Variants in NOVA1 observed in about 807,000 individuals in gnomAD.
NOVA1 encodes the protein RNA-binding protein Nova-1.
NOVA1 carries 7 observed loss-of-function variants against 38.0 expected under a neutral mutation model. The observed-to-expected ratio is 0.18, with a 90% CI of 0.10 to 0.35. The LOEUF is 0.35. NOVA1 is among the 10% of genes least tolerant of loss of function. NOVA1 has a pLI of 1.00. For synonymous variants in NOVA1, 270 were observed against 232.5 expected, an observed-to-expected ratio of 1.16 and a Z score of -1.47; for missense variants, 460 against 616.0, an observed-to-expected ratio of 0.75 and a Z score of 2.68.
intron 2 of NOVA1, among the ~76,000 whole-genome samples, chr14:26,545,351 T>C (rs987477854): frequency 6.6e-6 from 1 of 152,024 alleles, no homozygotes; most frequent in African/African-American, 2.4e-5. Context: ...ATACAGAGGA[T>C]AGTAGCCTAG....
chr14:26,462,543 T>C (rs1284836399), intron 4 of NOVA1, among the ~76,000 whole-genome samples: 7 of 152,220 alleles, frequency 4.6e-5, no homozygotes, highest in Non-Finnish European at 5.9e-5. Context: ...ATAGGTAATT[T>C]TGATATAAAG....
intron 2 of NOVA1, among the ~76,000 whole-genome samples, chr14:26,484,652 C>CT (rs1365842802): frequency 3.3e-5 from 5 of 152,136 alleles, no homozygotes; most frequent in African/African-American, 7.2e-5. Context: ...TCCAATATGG[C>CT]TTTTTTTCTC....
At chr14:26,593,705 C>A (rs1259014676) in intron 2 of NOVA1, 7 of 151,688 alleles carry the variant, frequency 4.6e-5, no homozygotes, top group Admixed American at 2.6e-4. Flanking sequence ...ATGTAATAAG[C>A]AAAAAATGTA....
intron 2 of NOVA1, among the ~76,000 whole-genome samples, chr14:26,594,820 T>C (rs777739233): frequency 2.0e-5 from 3 of 152,086 alleles, no homozygotes; most frequent in Non-Finnish European, 4.4e-5. Context: ...TAAGTTAACA[T>C]GAATTCTGAA....
chr14:26,561,539 T>C (rs941921500), intron 2 of NOVA1, among the ~76,000 whole-genome samples: 2 of 152,172 alleles, frequency 1.3e-5, no homozygotes, highest in South Asian at 4.1e-4. Flanking sequence ...AGAAATTATA[T>C]CCTCAGCAGG....
intron 4 of NOVA1, among the ~76,000 whole-genome samples, chr14:26,449,395 A>G (rs1370478924): frequency 6.6e-6 from 1 of 152,154 alleles, no homozygotes; most frequent in African/African-American, 2.4e-5. Context: ...TGCAGAATTA[A>G]AAAGCAAAGT....
At chr14:26,449,258 G>T (rs1473969980) in intron 4 of NOVA1, among the ~76,000 whole-genome samples, 1 of 151,954 alleles carries the variant, frequency 6.6e-6, no homozygotes, top group Non-Finnish European at 1.5e-5. Flanking sequence ...TTAACAAGAG[G>T]GGATCATAAC....
intron 4 of NOVA1, among the ~76,000 whole-genome samples, chr14:26,453,334 A>G (rs1056852436): frequency 3.9e-5 from 6 of 152,046 alleles, no homozygotes; most frequent in Non-Finnish European, 8.8e-5. Flanking sequence ...CAGCCTCCTG[A>G]GTAGCTGGGA....
At chr14:26,597,127 G>A (rs1033940024) in intron 1 of NOVA1, 174 bp downstream of exon 1, 3 of 1,229,672 alleles carry the variant, frequency 2.4e-6, no homozygotes, top group Non-Finnish European at 2.0e-6. Context: ...CTAGGCGCGG[G>A]GCAGGTGCAG....
At chr14:26,528,661 T>C (rs1889471393) in intron 2 of NOVA1, among the ~76,000 whole-genome samples, 1 of 152,110 alleles carries the variant, frequency 6.6e-6, no homozygotes, top group Non-Finnish European at 1.5e-5. Context: ...GACTACTGCT[T>C]TCAGCTCAAC....
intron 2 of NOVA1, among the ~76,000 whole-genome samples, chr14:26,540,821 T>C (rs1285522119): frequency 6.6e-6 from 1 of 152,166 alleles, no homozygotes; most frequent in Non-Finnish European, 1.5e-5. Flanking sequence ...TCAGAAATGA[T>C]TTATGAGAAT....
intron 2 of NOVA1, among the ~76,000 whole-genome samples, chr14:26,543,741 A>AT (rs1375465208): frequency 6.6e-6 from 1 of 152,024 alleles, no homozygotes; most frequent in Non-Finnish European, 1.5e-5. Flanking sequence ...GTAACAGGAT[A>AT]TTAAAATGAG....
intron 2 of NOVA1, among the ~76,000 whole-genome samples, chr14:26,581,329 G>A (rs1232400480): frequency 1.3e-5 from 2 of 152,000 alleles, no homozygotes; most frequent in Non-Finnish European, 2.9e-5. Context: ...ATATCACAGT[G>A]ATCTGACCAG....
chr14:26,456,589 G>A (rs898479373), intron 4 of NOVA1, among the ~76,000 whole-genome samples: 1 of 151,936 alleles, frequency 6.6e-6, no homozygotes, highest in Non-Finnish European at 1.5e-5. Flanking sequence ...TATAAATCAG[G>A]GAGGGGGTAA....
rs912971257 is a variant in NOVA1, at chr14:26,443,822, T to C, written c.*4137A>G. On this transcript the variant is annotated 3_prime_UTR_variant, in exon 5 of 5. Transcript: ENST00000539517. ...TGTGTACATTAAATTTATGACTGTATTGCACTCAAAATTATTGTGTATAGC... is the reference window on the plus strand; with the variant it reads ...TGTGTACATTAAATTTATGACTGTACTGCACTCAAAATTATTGTGTATAGC... 6.6e-6 allele frequency: 1 copy of C among 152,048 alleles called. No individual in the cohort carries two copies. The allele number at this position is 152,048 out of a possible 1,614,324, so 9.4% of individuals were successfully genotyped here.
At chr14:26,502,801 T>C (rs1416722953) in intron 2 of NOVA1, among the ~76,000 whole-genome samples, 1 of 152,062 alleles carries the variant, frequency 6.6e-6, no homozygotes, top group Admixed American at 6.6e-5. Context: ...CATTGTTTTC[T>C]CACCTTATTT....
chr14:26,513,695 AAC>A (rs1491126501), intron 2 of NOVA1, among the ~76,000 whole-genome samples: 1 of 149,884 alleles, frequency 6.7e-6, no homozygotes, highest in East Asian at 1.9e-4. Context: ...TTAATAAAAA[AAC>A]AGATAAAAAT....
intron 4 of NOVA1, among the ~76,000 whole-genome samples, chr14:26,457,997 A>G (rs1004199358): frequency 2.6e-5 from 4 of 152,104 alleles, no homozygotes; most frequent in South Asian, 2.1e-4. Context: ...GCAACAAACA[A>G]CCCCATTAAA....
At chr14:26,527,545 C>T (rs1048520915) in intron 2 of NOVA1, among the ~76,000 whole-genome samples, 7 of 151,952 alleles carry the variant, frequency 4.6e-5, no homozygotes, top group African/African-American at 1.5e-4. Flanking sequence ...TTCTCTAACA[C>T]GTAAGGTCAA....
Sources: allele counts gnomAD v4.1 joint callset (sites outside exome capture counted in the v4.1 genomes callset), GRCh38; gene constraint gnomAD v4.1.1; transcripts MANE v1.5; gene names NCBI Gene and HGNC (gene_info 2026-07-23, HGNC 2026-07-21).